Variants in B3GAT1 observed in about 807,000 individuals in gnomAD.
B3GAT1 encodes beta-1,3-glucuronyltransferase 1.
In B3GAT1, 11 loss-of-function variants were observed where a neutral mutation model predicts 28.4. The ratio of observed to expected loss-of-function variants is 0.39; its 90% CI spans 0.24 to 0.64. B3GAT1 has a LOEUF of 0.64. Ranked by LOEUF, B3GAT1 falls within the 30% of genes least tolerant of loss-of-function variation. The pLI is 0.50. For synonymous variants in B3GAT1, 255 were observed against 223.1 expected (o/e 1.14, Z -1.27); for missense variants, 375 against 491.0 (o/e 0.76, Z 2.23).
intron 2 of B3GAT1, chr11:134,387,131 T>TTA: frequency 5.3e-6 from 1 of 188,088 alleles, no homozygotes; most frequent in Non-Finnish European, 1.1e-5. Context: ...CTGCCGACAG[T>TTA]GCTTCGCCCT....
chr11:134,388,680 C>T (rs751497003), intron 1 of B3GAT1: 11 of 152,206 alleles, frequency 7.2e-5, no homozygotes, highest in Admixed American at 7.2e-4. Flanking sequence ...GTGTTTAGCT[C>T]TCACTCATAA....
intron 1 of B3GAT1, among the ~76,000 whole-genome samples, chr11:134,399,679 C>T (rs1403281687): frequency 2.6e-5 from 4 of 152,228 alleles, no homozygotes; most frequent in Non-Finnish European, 4.4e-5. Flanking sequence ...TGACCCTCGC[C>T]TCATCTGACC....
intron 2 of B3GAT1, chr11:134,384,641 C>G (rs542449917): frequency 8.4e-4 from 134 of 159,680 alleles, no homozygotes; most frequent in Non-Finnish European, 1.5e-3. Flanking sequence ...GCCCCAGGGC[C>G]GCAGCACTGC....
chr11:134,401,909 T>C (rs1167453098), intron 1 of B3GAT1, among the ~76,000 whole-genome samples: 2 of 136,682 alleles, frequency 1.5e-5, no homozygotes, highest in African/African-American at 5.6e-5. Context: ...TGCTGTGGCT[T>C]GAGCTCAATG....
rs1238929956 is a variant in B3GAT1, at chr11:134,383,929, C to T, written c.372G>A (p.Pro124=). 6.3e-7 allele frequency: 1 copy of T among 1,596,302 alleles called. No homozygotes were observed. ...NLHWLVVEDA[P]RRTPLTARLL... ...GGCGCGCGGTCAGCGGCGTCCGGCG[C>T]GGCGCATCCTCCACCACCAGCCAGT... Residue 124 remains proline, a synonymous_variant, in exon 3 of 6, where the codon CCG becomes CCA. Coordinates refer to ENST00000312527, the MANE Select transcript of B3GAT1 (RefSeq NM_054025.3).
chr11:134,379,054 G>A lies in B3GAT1; in HGVS notation c.*1708C>T, dbSNP rs998935221. The A allele has an allele frequency of 6.6e-6, 1 of 152,214 alleles. No homozygotes were observed. The highest frequency in any genetic ancestry group is 1.5e-5 in the Non-Finnish European group (1 of 68,054). The allele number at this position is 152,214 out of a possible 1,614,324, so 9.4% of individuals were successfully genotyped here. A position where few individuals can be genotyped will look rare whatever the true frequency, so the allele number is the denominator to read the frequency against. ...CATGCCACCCCACTTGCTTCCAAGG[G>A]CTTGGTTTCCAAAGTGACATCCAGG... On this transcript the variant is annotated 3_prime_UTR_variant, in exon 6 of 6. Transcript: ENST00000312527.
Position 134,378,864 on chromosome 11 carries a change from A to G in B3GAT1, c.*1898T>C, listed in dbSNP as rs1263122292. ...CTAGCATCTGCCCAAAGAAGTCCCCATTTTGTTGTTCATTATCAAAGTCCT... is the reference window on the plus strand; with the variant it reads ...CTAGCATCTGCCCAAAGAAGTCCCCGTTTTGTTGTTCATTATCAAAGTCCT... On this transcript the variant is annotated 3_prime_UTR_variant, in exon 6 of 6. Coordinates refer to ENST00000312527, the MANE Select transcript of B3GAT1 (RefSeq NM_054025.3). 6.6e-6 allele frequency: 1 copy of G among 152,210 alleles called. No homozygotes were observed. The highest frequency in any genetic ancestry group is 6.5e-5 in the Admixed American group (1 of 15,284). The allele number at this position is 152,210 out of a possible 1,614,324, so 9.4% of individuals were successfully genotyped here.
Position 134,411,124 on chromosome 11 carries a change from G to A in B3GAT1, c.-282+683C>T, listed in dbSNP as rs1944845140. On this transcript the variant is annotated intron_variant, in intron 1 of 5. Transcript: ENST00000312527. This position sits in a 1 kb window ranked among gnomAD's most constrained non-coding sequence, Gnocchi z 6.0. ...TACCCTGGCACTGTCGGACCTGGTGGCTTCCTTCTCTATTTCCTGCCTCAA... is the reference window on the plus strand; with the variant it reads ...TACCCTGGCACTGTCGGACCTGGTGACTTCCTTCTCTATTTCCTGCCTCAA... Among the ~76,000 whole-genome samples the A allele has an allele frequency of 6.6e-6, 1 of 152,192 alleles. No homozygotes were observed. Among genetic ancestry groups the A allele is most frequent in the Non-Finnish European group, 1.5e-5 (1 of 68,038 alleles).
chr11:134,405,736 A>G (rs1944719004), intron 1 of B3GAT1, among the ~76,000 whole-genome samples: 1 of 150,218 alleles, frequency 6.7e-6, no homozygotes, highest in Non-Finnish European at 1.5e-5. Flanking sequence ...GCCCCTAGAC[A>G]GGAGCAGGGC....
chr11:134,391,181 T>G (rs1228155925), intron 1 of B3GAT1: 1 of 152,234 alleles, frequency 6.6e-6, no homozygotes, highest in East Asian at 1.9e-4. Context: ...GAAGCCATTA[T>G]GGCTTGAAAA....
rs868267359 is a variant in B3GAT1 at position 134,404,264 on chromosome 11, T to C, written c.-282+7543A>G. On this transcript the variant is annotated intron_variant, in intron 1 of 5. Transcript: ENST00000312527. ...CAATTCCCACCTATGAGTGAGAACA[T>C]GCGGTGTTTGGTTTTTTGTCCTTGC... Among the ~76,000 whole-genome samples, 101 of 150,926 alleles carry C rather than the reference T, an allele frequency of 6.7e-4. 1 individual carries two copies. The highest frequency in any genetic ancestry group is 2.1e-3 in the African/African-American group (88 of 41,118).
chr11:134,388,015 C>A, intron 1 of B3GAT1, 75 bp from the exon 2 acceptor site: 4 of 528,216 alleles, frequency 7.6e-6, no homozygotes, highest in Non-Finnish European at 1.4e-5. Context: ...GGGCCCTGCT[C>A]TGGGACACAC....
chr11:134,405,742 AG>A (rs35370161), intron 1 of B3GAT1, among the ~76,000 whole-genome samples: 14,944 of 152,278 alleles, frequency 0.098, 870 homozygotes, highest in Non-Finnish European at 0.13. Context: ...AGACAGGAGC[AG>A]GGCTGCTCTG....
At position 134,387,568 on chromosome 11, in the gene B3GAT1, G is replaced by A; in HGVS notation, c.92C>T (p.Pro31Leu). 1 of 1,614,072 alleles carries A rather than the reference G, an allele frequency of 6.2e-7. No homozygotes were observed. Among genetic ancestry groups the A allele is most frequent in the South Asian group, 1.1e-5 (1 of 91,078 alleles). ...CTCACCCTTATGTACCGCGAGCAGG[G>A]GTGCGAGGGTGCTCTGGTGCCAGAC... is the stretch of plus-strand genomic sequence containing the variant. ...ITVWHQSTLA[P>L]LLAVHKDEGS... Residue 31 changes from proline to leucine, a missense_variant, in exon 2 of 6, where the codon CCC becomes CTC. Coordinates refer to ENST00000312527, the MANE Select transcript of B3GAT1 (RefSeq NM_054025.3).
intron 1 of B3GAT1, among the ~76,000 whole-genome samples, chr11:134,407,436 G>C (rs1009832138): frequency 6.6e-6 from 1 of 152,246 alleles, no homozygotes; most frequent in Non-Finnish European, 1.5e-5. Flanking sequence ...TGTGAGCAGA[G>C]AGCTGGCTCA....
At chr11:134,397,434 C>T (rs1366862411) in intron 1 of B3GAT1, among the ~76,000 whole-genome samples, 9 of 152,238 alleles carry the variant, frequency 5.9e-5, no homozygotes, top group Admixed American at 2.0e-4. Context: ...CGCCAGCTTC[C>T]GTCCCTGAAA....
At position 134,403,114 on chromosome 11, in the gene B3GAT1, A is replaced by G. The variant is rs539737982; in HGVS notation, c.-282+8693T>C. 1.3e-3 allele frequency among the ~76,000 whole-genome samples: 198 copies of G among 152,186 alleles called. 1 individual carries two copies. In the Middle Eastern group the frequency reaches 0.017, roughly 13 times the overall value. ...TTCCCAGGCTACCTATCACACAGTG[A>G]GCACCAGGGCGGCTACGGATCCACG... On this transcript the variant is annotated intron_variant, in intron 1 of 5. Transcript: ENST00000312527.
At chr11:134,402,529 CCT>C (rs1217278318) in intron 1 of B3GAT1, among the ~76,000 whole-genome samples, 3 of 152,170 alleles carry the variant, frequency 2.0e-5, no homozygotes, top group Non-Finnish European at 2.9e-5. Flanking sequence ...CCCCCACCTC[CCT>C]CTGTTACACC....
intron 1 of B3GAT1, among the ~76,000 whole-genome samples, chr11:134,401,109 G>A (rs1183978675): frequency 1.3e-5 from 2 of 152,336 alleles, no homozygotes; most frequent in Non-Finnish European, 1.5e-5. Context: ...TGGCCAGGCT[G>A]TGGAGAAAAG....
Sources: allele counts gnomAD v4.1 joint callset (sites outside exome capture counted in the v4.1 genomes callset), GRCh38; gene constraint gnomAD v4.1.1; non-coding constraint Gnocchi (gnomAD v3.1); transcripts MANE v1.5; gene names NCBI Gene and HGNC (gene_info 2026-07-23, HGNC 2026-07-21).